The following ITIH3 variants were observed in gnomAD, a reference collection of about 807,000 sequenced individuals.
The protein encoded by ITIH3 is inter-alpha-trypsin inhibitor heavy chain 3.
In ITIH3, 81 loss-of-function variants were observed where a neutral mutation model predicts 96.5. That is an observed-to-expected ratio of 0.84 (90% confidence interval 0.70 to 1.01). ITIH3 has a LOEUF of 1.01. Ranked by LOEUF, ITIH3 falls within the 50% of genes least tolerant of loss-of-function variation. ITIH3 has a pLI of 0.00. For missense variants in ITIH3, 1,057 were observed against 1,139.3 expected (o/e 0.93, Z 1.04); for synonymous variants, 422 against 445.2 (o/e 0.95, Z 0.66).
intron 8 of ITIH3, 28 bp downstream of exon 8, chr3:52,799,516 G>T (rs1559471148): frequency 6.6e-7 from 1 of 1,525,710 alleles, no homozygotes; most frequent in African/African-American, 1.4e-5. Flanking sequence ...CACAGCCAGG[G>T]CTCGGGGTAG....
chr3:52,798,778 G>A (rs1260013788), intron 6 of ITIH3, 188 bp from the exon 7 acceptor site: 1 of 634,224 alleles, frequency 1.6e-6, no homozygotes, highest in East Asian at 2.7e-5. Context: ...CTTCCAGTGA[G>A]TCCTGGGAGC....
In ITIH3 at chr3:52,808,139, G is replaced by A. The variant is rs1451724966; in HGVS notation, c.2461G>A (p.Val821Met). Reference sequence around the variant, plus strand: ...ATTCTTCCAACCCTTTGACTTTAAAGTGTCTGACATCCGGCCAGGCTCTGA... The same window carrying A: ...ATTCTTCCAACCCTTTGACTTTAAAATGTCTGACATCCGGCCAGGCTCTGA... The part of the protein sequence containing the change: ...GQFFQPFDFK[V>M]SDIRPGSDPT... Residue 821 changes from valine to methionine, a missense_variant, in exon 21 of 22, where the codon GTG (valine) becomes ATG (methionine). Coordinates refer to ENST00000449956, the MANE Select transcript of ITIH3 (RefSeq NM_002217.4). 1.2e-6 allele frequency: 2 copies of A among 1,614,060 alleles called. No homozygotes were observed. The highest frequency in any genetic ancestry group is 1.3e-5 in the African/African-American group (1 of 74,938).
Position 52,796,840 on chromosome 3 carries a change from T to A in ITIH3, c.383T>A (p.Val128Asp), listed in dbSNP as rs1361905694. 1 of 1,602,076 alleles carries A rather than the reference T, an allele frequency of 6.2e-7. No homozygotes were observed. Among genetic ancestry groups the A allele is most frequent in the Non-Finnish European group, 8.5e-7 (1 of 1,174,366 alleles). Reference protein sequence around the residue: ...AVSQGKTAGLVKASGRKLEKF... With the variant: ...AVSQGKTAGLDKASGRKLEKF... ...TCCCAGGGCAAGACGGCCGGCTTGG[T>A]CAAGTAAGTATGGACTCCCAGGCCT... Residue 128 changes from valine to aspartate, a missense_variant, in exon 4 of 22, where the codon GTC becomes GAC. Val to Asp is a radical substitution (Grantham distance 152). Coordinates refer to ENST00000449956, the MANE Select transcript of ITIH3 (RefSeq NM_002217.4).
At position 52,806,915 on chromosome 3, in the gene ITIH3, G is replaced by T. The variant is rs752427005; in HGVS notation, c.2071G>T (p.Gly691Trp). 17 of 1,586,628 alleles carry T rather than the reference G, an allele frequency of 1.1e-5. No individual in the cohort carries two copies. Among genetic ancestry groups the T allele is most frequent in the Middle Eastern group, 3.3e-4 (2 of 6,048 alleles). The change falls in exon 19 of 22, where the codon GGG (glycine) becomes TGG (tryptophan). Residue 691 changes from glycine to tryptophan, a missense_variant. By Grantham distance (184) the Gly-to-Trp change is radical (BLOSUM62 -2). Transcript: ENST00000449956. Reference sequence around the variant, plus strand: ...CCCTCTGGCAGGCCTCACAGTTAATGGGCAGATCACTGGCGACAAGAGAGG... The same window carrying T: ...CCCTCTGGCAGGCCTCACAGTTAATTGGCAGATCACTGGCGACAAGAGAGG... Reference protein sequence around the residue: ...QDAVTGLTVNGQITGDKRGSP... With the variant: ...QDAVTGLTVNWQITGDKRGSP...
chr3:52,807,643 T>G, intron 19 of ITIH3, 104 bp from the exon 20 acceptor site: 1 of 1,060,808 alleles, frequency 9.4e-7, no homozygotes, highest in Non-Finnish European at 1.4e-6. Context: ...CTGTGGGCCC[T>G]CGGGTGCCAT....
At position 52,802,496 on chromosome 3, in the gene ITIH3, A is replaced by G; in HGVS notation, c.1546A>G (p.Lys516Glu). The G allele has an allele frequency of 6.2e-7, 1 of 1,613,868 alleles. No individual in the cohort carries two copies. Among genetic ancestry groups the G allele is most frequent in the South Asian group, 1.1e-5 (1 of 91,070 alleles). The change falls in exon 12 of 22, where the codon AAG becomes GAG. Residue 516 changes from lysine to glutamate, a missense_variant. Transcript: ENST00000449956. ...GGTGGACGAGGACATGAACAGCTTTAAGGCAGATGTGAAGGGCCATGGGGT... is the reference window on the plus strand; with the variant it reads ...GGTGGACGAGGACATGAACAGCTTTGAGGCAGATGTGAAGGGCCATGGGGT... ...RLVDEDMNSFKADVKGHGATN... is the reference protein window; with the variant it reads ...RLVDEDMNSFEADVKGHGATN...
At chr3:52,800,741 GA>G in intron 10 of ITIH3, 78 bp downstream of exon 10, 1 of 1,549,782 alleles carries the variant, frequency 6.5e-7, no homozygotes, top group South Asian at 1.2e-5. Context: ...TGGCTCATTG[GA>G]AAACCTGGGG....
chr3:52,805,995 C>A (rs958068107), intron 16 of ITIH3, 108 bp from the exon 17 acceptor site: 3 of 1,481,292 alleles, frequency 2.0e-6, no homozygotes, highest in South Asian at 1.2e-5. Flanking sequence ...ATGGCATTAG[C>A]GAGCGGGAAG....
intron 6 of ITIH3, chr3:52,798,548 A>G (rs961872287): frequency 5.3e-6 from 1 of 189,594 alleles, no homozygotes; most frequent in South Asian, 1.2e-4. Context: ...CCCACACACC[A>G]ACATTCCAAA....
chr3:52,797,040 C>T (rs759628900), intron 4 of ITIH3, 65 bp from the exon 5 acceptor site: 133 of 1,541,792 alleles, frequency 8.6e-5, no homozygotes, highest in South Asian at 2.3e-4. Flanking sequence ...GGCCTGGGGC[C>T]GAGGGCCGAG....
intron 1 of ITIH3, 128 bp from the exon 2 acceptor site, chr3:52,795,475 C>T (rs1339018672): frequency 4.3e-5 from 40 of 925,504 alleles, no homozygotes; most frequent in Non-Finnish European, 6.3e-5. Context: ...TGTCTGGGGG[C>T]CACTCAGGTG....
chr3:52,799,489 G>A lies in ITIH3; in HGVS notation c.906+1G>A, dbSNP rs368285263. 2.7e-5 allele frequency: 44 copies of A among 1,600,932 alleles called. No homozygotes were observed. Among genetic ancestry groups the A allele is most frequent in the Non-Finnish European group, 3.7e-5 (44 of 1,173,608 alleles). ...CATGGCTGGTCGGAAATTAGAGCAG[G>A]TAATCAGCACCAGTGGCACAGCCAG... On this transcript the variant is annotated splice_donor_variant, in intron 8 of 21. Transcript: ENST00000449956. LOFTEE classifies it high-confidence loss of function.
chr3:52,797,788 G>A, intron 5 of ITIH3, 29 bp from the exon 6 acceptor site: 3 of 1,453,838 alleles, frequency 2.1e-6, no homozygotes, highest in East Asian at 2.4e-5. Context: ...AGGTCACTGA[G>A]TGACATTTCC....
Position 52,808,594 on chromosome 3 carries a change from G to A in ITIH3, c.2586G>A (p.Thr862=), listed in dbSNP as rs751050078. 3.9e-5 allele frequency: 63 copies of A among 1,614,014 alleles called. No homozygotes were observed. The highest frequency in any genetic ancestry group is 1.3e-4 in the Admixed American group (8 of 60,018). Residue 862 remains threonine, a synonymous_variant, in exon 22 of 22, where the codon ACG becomes ACA. Transcript: ENST00000449956. ...KDYRKDASIG[T]KVVCWFVHNN... ...ACAGAAAGGATGCCAGCATCGGCAC[G>A]AAGGTTGTCTGCTGGTTCGTCCACA...
chr3:52,803,298 ATTTATTTAT>A (rs1167575945), intron 13 of ITIH3, among the ~76,000 whole-genome samples: 58 of 136,900 alleles, frequency 4.2e-4, no homozygotes, highest in Admixed American at 1.7e-3. Flanking sequence ...TTATTTATTT[ATTTATTTAT>A]TTTATTTTAT....
chr3:52,803,154 G>T (rs932247316), intron 13 of ITIH3, among the ~76,000 whole-genome samples: 2 of 152,206 alleles, frequency 1.3e-5, no homozygotes, highest in Admixed American at 6.5e-5. Flanking sequence ...CCACTGAGAG[G>T]GTCAGTGTTG....
chr3:52,796,784 A>C lies in ITIH3; in HGVS notation c.327A>C (p.Glu109Asp). 2.5e-6 allele frequency: 4 copies of C among 1,613,152 alleles called. No individual in the cohort carries two copies. Among genetic ancestry groups the C allele is most frequent in the Non-Finnish European group, 3.4e-6 (4 of 1,179,578 alleles). ...VTYPGNVKEK[E>D]VAKKQYEKAV... ...ACCCTGGGAATGTCAAGGAGAAGGAAGTTGCCAAGAAGCAGTATGAAAAGG... is the reference window on the plus strand; with the variant it reads ...ACCCTGGGAATGTCAAGGAGAAGGACGTTGCCAAGAAGCAGTATGAAAAGG... The change falls in exon 4 of 22, where the codon GAA becomes GAC. Residue 109 changes from glutamate to aspartate, a missense_variant. Physicochemically the swap from Glu to Asp is conservative, Grantham distance 45 (BLOSUM62 2). Coordinates refer to ENST00000449956, the MANE Select transcript of ITIH3 (RefSeq NM_002217.4).
chr3:52,802,261 A>G, intron 11 of ITIH3, 73 bp from the exon 12 acceptor site: 3 of 1,513,970 alleles, frequency 2.0e-6, no homozygotes, highest in Non-Finnish European at 1.8e-6. Context: ...GCCCTGGGGC[A>G]TGGATGCCCA....
In ITIH3 at chr3:52,799,933, G is replaced by A; in HGVS notation, c.1075+12G>A. 6.2e-7 allele frequency: 1 copy of A among 1,611,590 alleles called. No homozygotes were observed. Among genetic ancestry groups the A allele is most frequent in the Non-Finnish European group, 8.5e-7 (1 of 1,178,756 alleles). On this transcript the variant is annotated intron_variant, in intron 9 of 21. Transcript: ENST00000449956. ...GGAGGATAAAGGAAGTAAGAGCGGA[G>A]CTGGAGCCCACACACCTCCTAGCGG... is the stretch of plus-strand genomic sequence containing the variant.
Sources: allele counts gnomAD v4.1 joint callset (sites outside exome capture counted in the v4.1 genomes callset), GRCh38; gene constraint gnomAD v4.1.1; transcripts MANE v1.5; gene names NCBI Gene and HGNC (gene_info 2026-07-23, HGNC 2026-07-21).